The following GRAMD1C variants were observed in gnomAD, a reference collection of about 807,000 sequenced individuals.
GRAMD1C encodes the protein protein Aster-C.
GRAMD1C carries 89 observed loss-of-function variants against 97.8 expected under a neutral mutation model. That is an observed-to-expected ratio of 0.91 (90% CI 0.77 to 1.09). GRAMD1C has a LOEUF of 1.09. GRAMD1C is among the 50% of genes least tolerant of loss of function. The pLI, the probability that GRAMD1C is intolerant of heterozygous loss-of-function variation, is 0.00. For synonymous variants in GRAMD1C, 256 were observed against 267.0 expected, an observed-to-expected ratio of 0.96 and a Z score of 0.40; for missense variants, 740 against 766.4, an observed-to-expected ratio of 0.97 and a Z score of 0.41.
intron 6 of GRAMD1C, among the ~76,000 whole-genome samples, chr3:113,892,890 C>T (rs935266784): frequency 6.6e-6 from 1 of 152,076 alleles, no homozygotes; most frequent in Non-Finnish European, 1.5e-5. Context: ...CAGAGCCAAG[C>T]ACAGTCCTGC....
chr3:113,838,042 A>G (rs1000877102), upstream of GRAMD1C, among the ~76,000 whole-genome samples: 1 of 152,220 alleles, frequency 6.6e-6, no homozygotes, highest in Non-Finnish European at 1.5e-5. Flanking sequence ...TAGATGATAA[A>G]TATTTCTTCT....
At chr3:113,888,031 G>A (rs920843453) in intron 6 of GRAMD1C, among the ~76,000 whole-genome samples, 1 of 152,020 alleles carries the variant, frequency 6.6e-6, no homozygotes, top group Non-Finnish European at 1.5e-5. Context: ...CCCAGGCCCA[G>A]GTGGCTTCAT....
chr3:113,880,602 C>G (rs1380838276), intron 5 of GRAMD1C, among the ~76,000 whole-genome samples: 1 of 152,046 alleles, frequency 6.6e-6, no homozygotes, highest in Non-Finnish European at 1.5e-5. Flanking sequence ...CCTGACCATG[C>G]CCTCTTATGC....
intron 6 of GRAMD1C, chr3:113,885,749 C>T (rs970470793): frequency 5.1e-6 from 8 of 1,580,886 alleles, no homozygotes; most frequent in African/African-American, 4.0e-5. Flanking sequence ...GCAGAAGCAT[C>T]CTTAAGAGGA....
At chr3:113,843,405 T>A (rs2108070154) in intron 1 of GRAMD1C, among the ~76,000 whole-genome samples, 1 of 150,268 alleles carries the variant, frequency 6.7e-6, no homozygotes, top group South Asian at 2.2e-4. Context: ...CTACTCCTCC[T>A]TACTCCCCTA....
chr3:113,851,756 G>A lies in GRAMD1C; in HGVS notation c.174+7107G>A, dbSNP rs138764827. 4.0e-3 allele frequency among the ~76,000 whole-genome samples: 603 copies of A among 152,256 alleles called. 8 individuals are homozygous for A. Among genetic ancestry groups the A allele is most frequent in the South Asian group, 0.031 (147 of 4,814 alleles). On this transcript the variant is annotated intron_variant, in intron 2 of 17. Coordinates refer to ENST00000358160, the MANE Select transcript of GRAMD1C (RefSeq NM_017577.5). Reference sequence around the variant, plus strand: ...TGTTCTCAAGCTCCTGACCTCAGGTGATCCATCCACCTCAGCCTCCCAAAG... The same window carrying A: ...TGTTCTCAAGCTCCTGACCTCAGGTAATCCATCCACCTCAGCCTCCCAAAG...
At chr3:113,850,311 C>A in intron 2 of GRAMD1C, 1 of 711,052 alleles carries the variant, frequency 1.4e-6, no homozygotes. Context: ...ACAGCCCCAG[C>A]CTCGACTTTC....
intron 2 of GRAMD1C, among the ~76,000 whole-genome samples, chr3:113,858,699 G>A (rs1934251923): frequency 6.6e-6 from 1 of 151,856 alleles, no homozygotes; most frequent in Non-Finnish European, 1.5e-5. Context: ...TGGCCTCCCA[G>A]CTACTTTTGT....
chr3:113,929,581 C>T (rs1383954905), intron 10 of GRAMD1C, among the ~76,000 whole-genome samples: 1 of 152,300 alleles, frequency 6.6e-6, no homozygotes, highest in African/African-American at 2.4e-5. Flanking sequence ...CTGAAACAGG[C>T]TGACATATGA....
At chr3:113,900,037 G>A (rs1368589625) in intron 6 of GRAMD1C, among the ~76,000 whole-genome samples, 1 of 152,086 alleles carries the variant, frequency 6.6e-6, no homozygotes, top group Non-Finnish European at 1.5e-5. Context: ...CAGTGGTCAT[G>A]GTAGACTGGT....
At chr3:113,843,547 T>C (rs769647936) in intron 1 of GRAMD1C, among the ~76,000 whole-genome samples, 7 of 151,746 alleles carry the variant, frequency 4.6e-5, no homozygotes, top group Non-Finnish European at 8.8e-5. Flanking sequence ...TGGTGTGATC[T>C]CGGCTCACTG....
intron 2 of GRAMD1C, among the ~76,000 whole-genome samples, chr3:113,855,575 C>T (rs930811447): frequency 6.6e-6 from 1 of 151,494 alleles, no homozygotes; most frequent in South Asian, 2.1e-4. Flanking sequence ...CATGGTGGTG[C>T]GCGCCTGTAA....
intron 6 of GRAMD1C, chr3:113,885,695 C>A: frequency 6.6e-7 from 1 of 1,526,478 alleles, no homozygotes; most frequent in Non-Finnish European, 9.1e-7. Flanking sequence ...TTACAGAAAG[C>A]ATGGAGATCT....
intron 6 of GRAMD1C, among the ~76,000 whole-genome samples, chr3:113,897,989 T>C (rs1356043196): frequency 1.3e-5 from 2 of 152,204 alleles, no homozygotes; most frequent in Non-Finnish European, 2.9e-5. Context: ...GACAACTTTA[T>C]AGAAAACGTC....
At chr3:113,903,018 T>G (rs1936233405) in intron 7 of GRAMD1C, among the ~76,000 whole-genome samples, 1 of 149,340 alleles carries the variant, frequency 6.7e-6, no homozygotes, top group Admixed American at 6.7e-5. Flanking sequence ...CAGGCTGGAG[T>G]GCAGTGGCGT....
chr3:113,926,578 A>G (rs1426864437), intron 10 of GRAMD1C, among the ~76,000 whole-genome samples: 1 of 152,208 alleles, frequency 6.6e-6, no homozygotes, highest in Non-Finnish European at 1.5e-5. Context: ...AGGTAGGAAG[A>G]CACTCCAACT....
At chr3:113,922,471 G>A (rs1252739199) in intron 10 of GRAMD1C, among the ~76,000 whole-genome samples, 1 of 152,128 alleles carries the variant, frequency 6.6e-6, no homozygotes, top group African/African-American at 2.4e-5. Flanking sequence ...AAGGAAGGGG[G>A]CTAGTTTCAA....
intron 5 of GRAMD1C, among the ~76,000 whole-genome samples, chr3:113,881,156 A>G (rs1935243613): frequency 6.6e-6 from 1 of 152,010 alleles, no homozygotes; most frequent in African/African-American, 2.4e-5. Flanking sequence ...TAATTTATTT[A>G]TTTATTATTT....
chr3:113,892,708 T>A (rs1468966688), intron 6 of GRAMD1C, among the ~76,000 whole-genome samples: 1 of 152,168 alleles, frequency 6.6e-6, no homozygotes, highest in East Asian at 1.9e-4. Flanking sequence ...TATCTGGGAT[T>A]TGTGGGGCCA....
Sources: gnomAD v4.1 joint callset for allele counts (sites outside exome capture counted in the v4.1 genomes callset) on GRCh38, gnomAD v4.1.1 for gene constraint, MANE v1.5 for transcripts, NCBI Gene and HGNC (gene_info 2026-07-23, HGNC 2026-07-21) for gene names.